The following ADGRG6 variants were observed in gnomAD, a reference collection of about 807,000 sequenced individuals.
The protein encoded by ADGRG6 is adhesion G protein-coupled receptor G6.
ADGRG6 carries 84 observed loss-of-function variants against 142.4 expected under a neutral mutation model. That is an observed-to-expected ratio of 0.59 (90% CI 0.49 to 0.71). The LOEUF (loss-of-function observed/expected upper bound fraction) is 0.71. Ranked by LOEUF, ADGRG6 falls within the 30% of genes least tolerant of loss-of-function variation. The pLI is 0.00. For missense variants in ADGRG6, 1,367 were observed against 1,466.6 expected (o/e 0.93, Z 1.11); for synonymous variants, 521 against 520.5 (o/e 1.00, Z -0.01).
At chr6:142,388,927 C>T (rs1487966732) in intron 6 of ADGRG6, among the ~76,000 whole-genome samples, 1 of 151,982 alleles carries the variant, frequency 6.6e-6, no homozygotes, top group African/African-American at 2.4e-5. Context: ...TGATGAGATC[C>T]ACAGTGTAAA....
chr6:142,390,835 G>A (rs1478158800), intron 7 of ADGRG6, among the ~76,000 whole-genome samples: 1 of 151,596 alleles, frequency 6.6e-6, no homozygotes, highest in Non-Finnish European at 1.5e-5. Context: ...ATTTCTTTGT[G>A]CACATGAAAG....
intron 10 of ADGRG6, among the ~76,000 whole-genome samples, chr6:142,399,495 G>A (rs1038858762): frequency 2.6e-5 from 4 of 152,248 alleles, no homozygotes; most frequent in African/African-American, 9.6e-5. Context: ...CTGACAAATG[G>A]TAGTTTATCT....
intron 16 of ADGRG6, among the ~76,000 whole-genome samples, chr6:142,409,334 T>A (rs764202043): frequency 7.9e-5 from 12 of 152,184 alleles, no homozygotes; most frequent in Non-Finnish European, 1.8e-4. Flanking sequence ...GTAGCATCTG[T>A]CAGAACTGAC....
At chr6:142,425,791 C>T (rs753272263) in intron 22 of ADGRG6, among the ~76,000 whole-genome samples, 16 of 152,176 alleles carry the variant, frequency 1.1e-4, no homozygotes, top group South Asian at 8.3e-4. Flanking sequence ...TACAGTTCCA[C>T]GTGACTGGGG....
At chr6:142,318,006 A>ATTTATATTACATATTTATATATAATAT (rs1562306660) in intron 2 of ADGRG6, among the ~76,000 whole-genome samples, 1 of 43,696 alleles carries the variant, frequency 2.3e-5, no homozygotes, top group Non-Finnish European at 3.7e-5. Flanking sequence ...TATTATATAT[A>ATTTATATTACATATTTATATATAATAT]ATATTTATGT....
At chr6:142,338,017 G>GTTATTTTTTTTTTTTTTTTTTTTTTT in intron 2 of ADGRG6, among the ~76,000 whole-genome samples, 1 of 35,392 alleles carries the variant, frequency 2.8e-5, no homozygotes, top group Non-Finnish European at 4.7e-5. Flanking sequence ...TTGTATCTTT[G>GTTATTTTTTTTTTTTTTTTTTTTTTT]TTTTTTTTTT....
At chr6:142,405,208 ATTCT>A in intron 14 of ADGRG6, 2 of 371,732 alleles carry the variant, frequency 5.4e-6, no homozygotes, top group Middle Eastern at 3.8e-4. Context: ...GCAGGAAAGC[ATTCT>A]TTGTCCTTGA....
intron 2 of ADGRG6, among the ~76,000 whole-genome samples, chr6:142,316,638 A>G (rs139175261): frequency 1.0e-3 from 154 of 152,266 alleles, no homozygotes; most frequent in Middle Eastern, 6.8e-3. Flanking sequence ...ATTATGTACA[A>G]TTGATACTGG....
intron 2 of ADGRG6, among the ~76,000 whole-genome samples, chr6:142,327,248 A>T (rs1207184544): frequency 6.6e-6 from 1 of 152,098 alleles, no homozygotes; most frequent in Non-Finnish European, 1.5e-5. Context: ...ATAGGCAAAA[A>T]GATAAAAAGA....
chr6:142,342,405 A>G (rs1779699711), intron 2 of ADGRG6, among the ~76,000 whole-genome samples: 1 of 152,160 alleles, frequency 6.6e-6, no homozygotes, highest in Non-Finnish European at 1.5e-5. Context: ...AGAATCAAAC[A>G]AAAGTTAAAT....
At chr6:142,318,293 ATTATATATAT>A (rs1310697970) in intron 2 of ADGRG6, among the ~76,000 whole-genome samples, 1 of 81,990 alleles carries the variant, frequency 1.2e-5, no homozygotes, top group East Asian at 4.0e-4. Flanking sequence ...ATATTTATAT[ATTATATATAT>A]TTATATTATA....
At chr6:142,414,885 G>A in intron 18 of ADGRG6, 84 bp from the exon 19 acceptor site, 1 of 1,187,870 alleles carries the variant, frequency 8.4e-7, no homozygotes, top group Non-Finnish European at 1.2e-6. Context: ...CTGCTCTAAT[G>A]TTAACAGTGA....
intron 22 of ADGRG6, among the ~76,000 whole-genome samples, chr6:142,430,365 CA>C (rs1777150668): frequency 6.6e-6 from 1 of 152,176 alleles, no homozygotes; most frequent in African/African-American, 2.4e-5. Flanking sequence ...CTAGATGCTT[CA>C]AAGGGACTTT....
intron 1 of ADGRG6, among the ~76,000 whole-genome samples, chr6:142,305,686 T>C (rs970625402): frequency 2.0e-5 from 3 of 152,184 alleles, no homozygotes; most frequent in African/African-American, 7.2e-5. Context: ...CTTCTCTTTT[T>C]CAGATTTCCC....
At chr6:142,334,094 A>G (rs1779196099) in intron 2 of ADGRG6, among the ~76,000 whole-genome samples, 1 of 152,210 alleles carries the variant, frequency 6.6e-6, no homozygotes. Context: ...GTTTTATGAT[A>G]GTTTCAGGAT....
chr6:142,400,679 G>A (rs75681571), intron 11 of ADGRG6, 83 bp downstream of exon 11: 8,855 of 719,508 alleles, frequency 0.012, 83 homozygotes, highest in Middle Eastern at 0.044. Flanking sequence ...GTAGTTCTTA[G>A]GCATTATATT....
chr6:142,310,108 T>G (rs369948561), intron 2 of ADGRG6, among the ~76,000 whole-genome samples: 2 of 151,922 alleles, frequency 1.3e-5, no homozygotes, highest in East Asian at 1.9e-4. Flanking sequence ...AATTCAGTTT[T>G]TAGACTATGC....
At position 142,438,249 on chromosome 6, in the gene ADGRG6, T is replaced by C; in HGVS notation, c.3459T>C (p.Ser1153=). The change falls in exon 24 of 25, where the codon AGT becomes AGC. Residue 1153 remains serine (S), a synonymous_variant. Coordinates refer to ENST00000367609, the MANE Select transcript of ADGRG6 (RefSeq NM_198569.3). The stretch of plus-strand genomic sequence containing the variant: ...CAGCTACCAATATCATCAAGAAAAG[T>C]TCTGATAATCTAGGAAAATCTTTGT... ...SKTATNIIKK[S]SDNLGKSLSS... is the part of the protein sequence containing the mutation. 1 of 1,605,766 alleles carries C rather than the reference T, an allele frequency of 6.2e-7. No homozygotes were observed. The highest frequency in any genetic ancestry group is 8.5e-7 in the Non-Finnish European group (1 of 1,175,102).
intron 17 of ADGRG6, 84 bp from the exon 18 acceptor site, chr6:142,411,221 C>A: frequency 1.3e-6 from 1 of 768,866 alleles, no homozygotes. Context: ...GAGACTGAGG[C>A]AAATTTCTCT....
Sources: allele counts gnomAD v4.1 joint callset (sites outside exome capture counted in the v4.1 genomes callset), GRCh38; gene constraint gnomAD v4.1.1; transcripts MANE v1.5; gene names NCBI Gene and HGNC (gene_info 2026-07-23, HGNC 2026-07-21).